PEAR1: variants seen among roughly 807,000 people sequenced by gnomAD.
PEAR1 encodes multiple EGF-like domains protein 12.
A neutral mutation model predicts 131.2 loss-of-function variants in PEAR1; 113 were observed. That is an observed-to-expected ratio of 0.86 (90% confidence interval 0.74 to 1.01). The LOEUF (loss-of-function observed/expected upper bound fraction) is 1.01, where lower values mean the gene tolerates loss of function less well. Among genes scored for constraint, PEAR1 ranks in the 50% least tolerant of loss-of-function variants. The probability of loss-of-function intolerance (pLI) is 0.00; values close to 1 mark genes in which losing one functional copy is unlikely to be tolerated. For missense variants in PEAR1, 1,408 were observed against 1,391.1 expected, an observed-to-expected ratio of 1.01 and a Z score of -0.19; for synonymous variants, 565 against 523.3, an observed-to-expected ratio of 1.08 and a Z score of -1.09.
rs1371264598 is a variant in PEAR1, at chr1:156,904,892, G to A, written c.206+40G>A. 5.0e-6 allele frequency: 8 copies of A among 1,612,816 alleles called. No homozygotes were observed. In the South Asian group the frequency reaches 7.7e-5, roughly 16 times the overall value. ...TCCTCCATGGGTGGATGGGCTACCT[G>A]AGTCGCTGCCTCAGCCTGGCCCCTG... On this transcript the variant is annotated intron_variant, in intron 3 of 22. Transcript: ENST00000292357.
intron 15 of PEAR1, among the ~76,000 whole-genome samples, chr1:156,911,035 C>CTTTTTCTTTCTTTCTTTCTT (rs1558143226): frequency 1.1e-4 from 14 of 123,904 alleles, no homozygotes; most frequent in African/African-American, 4.5e-4. Flanking sequence ...CTCTTGATTT[C>CTTTTTCTTTCTTTCTTTCTT]TTTTTCTTTC....
chr1:156,909,906 C>T lies in PEAR1; in HGVS notation c.1567C>T (p.Pro523Ser). The T allele has an allele frequency of 6.2e-7, 1 of 1,608,896 alleles. No individual in the cohort carries two copies. The highest frequency in any genetic ancestry group is 1.1e-5 in the South Asian group (1 of 90,634). Reference sequence around the variant, plus strand: ...GTGGCATGGGGCCCACTGCCAGCTGCCCTGTCCGGTGAGTGCTGGACAGCC... The same window carrying T: ...GTGGCATGGGGCCCACTGCCAGCTGTCCTGTCCGGTGAGTGCTGGACAGCC... ...PGWHGAHCQL[P>S]CPKGQFGEGC... The change falls in exon 12 of 23, where the codon CCC becomes TCC. Residue 523 changes from proline (P) to serine (S), a missense_variant. Pro to Ser is a moderately conservative substitution (Grantham distance 74). Transcript: ENST00000292357.
rs564878450 is a variant in PEAR1, at chr1:156,905,990, G to T, written c.308-286G>T. ...CCCGACCGCCACCTGCCCTCTCTCT[G>T]GACAGTGTCCATGTTCAGTCCCCTT... On this transcript the variant is annotated intron_variant, in intron 4 of 22. Coordinates refer to ENST00000292357, the MANE Select transcript of PEAR1 (RefSeq NM_001080471.3). Among the ~76,000 whole-genome samples, 4 of 152,198 alleles carry T rather than the reference G, an allele frequency of 2.6e-5. No individual in the cohort carries two copies. The South Asian group carries it at 8.3e-4, about 32-fold the overall frequency.
chr1:156,910,493 G>C (rs1051655920), intron 14 of PEAR1, 113 bp downstream of exon 14: 2 of 1,542,306 alleles, frequency 1.3e-6, no homozygotes, highest in South Asian at 1.2e-5. Flanking sequence ...CCTTACCCCC[G>C]GTCTCTTCCT....
intron 11 of PEAR1, 24 bp from the exon 12 acceptor site, chr1:156,909,727 C>G: frequency 1.3e-6 from 2 of 1,576,948 alleles, no homozygotes; most frequent in Non-Finnish European, 1.7e-6. Context: ...GTCCCCATAC[C>G]TACCTACCAG....
intron 15 of PEAR1, among the ~76,000 whole-genome samples, chr1:156,911,748 A>G (rs1221381547): frequency 1.3e-5 from 2 of 152,230 alleles, no homozygotes; most frequent in African/African-American, 4.8e-5. Context: ...TGGAAAGAGG[A>G]AACAGGCTGT....
intron 4 of PEAR1, among the ~76,000 whole-genome samples, 160 bp from the exon 5 acceptor site, chr1:156,906,116 C>G (rs1050807587): frequency 6.6e-6 from 1 of 152,188 alleles, no homozygotes; most frequent in Admixed American, 6.5e-5. Context: ...TAAGTTCTCC[C>G]CCTGAGTTGC....
chr1:156,913,936 G>A lies in PEAR1; in HGVS notation c.2798G>A (p.Ser933Asn). ...TATGCCACCATCCGGGACCTGCCCAGCTTGCCAGGGGGCCCCCGGGAGAGC... is the reference window on the plus strand; with the variant it reads ...TATGCCACCATCCGGGACCTGCCCAACTTGCCAGGGGGCCCCCGGGAGAGC... ...NPYATIRDLP[S>N]LPGGPRESSY... is the part of the protein sequence containing the mutation. The change falls in exon 22 of 23, where the codon AGC becomes AAC. Residue 933 changes from serine (S) to asparagine (N), a missense_variant. Ser to Asn is a conservative substitution (Grantham distance 46, BLOSUM62 1). Transcript: ENST00000292357. 2 of 1,614,104 alleles carry A rather than the reference G, an allele frequency of 1.2e-6. No individual in the cohort carries two copies. Among genetic ancestry groups the A allele is most frequent in the Non-Finnish European group, 1.7e-6 (2 of 1,180,020 alleles).
chr1:156,913,806 G>T, intron 21 of PEAR1, 46 bp downstream of exon 21: 1 of 1,611,688 alleles, frequency 6.2e-7, no homozygotes, highest in East Asian at 2.2e-5. Flanking sequence ...CTGGGGCTGA[G>T]GAACCAGTGC....
intron 1 of PEAR1, among the ~76,000 whole-genome samples, chr1:156,896,540 G>A (rs1187953629): frequency 3.3e-5 from 5 of 152,242 alleles, no homozygotes; most frequent in East Asian, 3.8e-4. Context: ...GAGGGGTTGC[G>A]ATTGATGTGT....
At chr1:156,912,172 G>T in intron 15 of PEAR1, 75 bp from the exon 16 acceptor site, 2 of 1,531,556 alleles carry the variant, frequency 1.3e-6, no homozygotes, top group Non-Finnish European at 1.8e-6. Context: ...AAAGGCTTCA[G>T]TGATGCTGGG....
chr1:156,897,406 G>C (rs1369791557), intron 1 of PEAR1, among the ~76,000 whole-genome samples: 1 of 152,230 alleles, frequency 6.6e-6, no homozygotes, highest in Non-Finnish European at 1.5e-5. Flanking sequence ...TCACAGATAG[G>C]GTATCCATCA....
intron 1 of PEAR1, among the ~76,000 whole-genome samples, chr1:156,898,937 C>T (rs962062101): frequency 1.1e-4 from 16 of 152,184 alleles, no homozygotes; most frequent in African/African-American, 3.9e-4. Flanking sequence ...AGGCAGATAG[C>T]AGAGTTTCTG....
rs11800463 is a variant in PEAR1, at chr1:156,908,643, C to T, written c.1116-12C>T. On this transcript the variant is annotated splice_polypyrimidine_tract_variant and intron_variant, in intron 9 of 22. Transcript: ENST00000292357. This position sits in a 1 kb window ranked among gnomAD's most constrained non-coding sequence, Gnocchi z 4.2. ...AGCTCAGACCGCGCCACGCCCCCGC[C>T]TCTGCCCCCAGCTGCCACCCGATGA... 0.14 allele frequency: 217,691 copies of T among 1,516,050 alleles called. 17,671 individuals carry two copies. Among genetic ancestry groups the T allele is most frequent in the East Asian group, 0.35 (14,368 of 40,624 alleles). 93.9% of individuals were successfully genotyped at this position (1,516,050 alleles called of 1,614,324 possible).
chr1:156,907,782 G>A, intron 7 of PEAR1, 52 bp downstream of exon 7: 1 of 1,578,154 alleles, frequency 6.3e-7, no homozygotes, highest in Middle Eastern at 1.7e-4. Flanking sequence ...GGAGAATTCT[G>A]TGGGTGGTGC....
rs570283118 is a variant in PEAR1, at chr1:156,903,839, C to G, written c.-9-79C>G. 1.3e-5 allele frequency: 16 copies of G among 1,201,468 alleles called. No individual in the cohort carries two copies. In the South Asian group the frequency reaches 1.5e-4, roughly 11 times the overall value. 74.4% of individuals were successfully genotyped at this position (1,201,468 alleles called of 1,614,324 possible). A position where few individuals can be genotyped will look rare whatever the true frequency, so the allele number is the denominator to read the frequency against. ...CAGTCTGGTCTCTTCTGCATGCCCA[C>G]GGCTCAGATCTCTGCAGACAGGTCC... On this transcript the variant is annotated intron_variant, in intron 1 of 22. Coordinates refer to ENST00000292357, the MANE Select transcript of PEAR1 (RefSeq NM_001080471.3).
intron 4 of PEAR1, 83 bp from the exon 5 acceptor site, chr1:156,906,193 G>A (rs2644593): frequency 1 from 1,287,677 of 1,293,302 alleles, 641,242 homozygotes; most frequent in East Asian, 1. Context: ...TGGTTTTGGA[G>A]GAAGGTGGGG....
Position 156,908,552 on chromosome 1 carries a change from T to C in PEAR1, c.1116-103T>C. ...CGCGGAGCCTCCCTAGTGACCCCCTTACCCCAGCGATGTGCGAATCCCACT... is the reference window on the plus strand; with the variant it reads ...CGCGGAGCCTCCCTAGTGACCCCCTCACCCCAGCGATGTGCGAATCCCACT... On this transcript the variant is annotated intron_variant, in intron 9 of 22. Coordinates refer to ENST00000292357, the MANE Select transcript of PEAR1 (RefSeq NM_001080471.3). This position sits in a 1 kb window ranked among gnomAD's most constrained non-coding sequence, Gnocchi z 4.2. 1 of 1,271,870 alleles carries C rather than the reference T, an allele frequency of 7.9e-7. No individual in the cohort carries two copies. Among genetic ancestry groups the C allele is most frequent in the South Asian group, 1.5e-5 (1 of 65,402 alleles). The allele number at this position is 1,271,870 out of a possible 1,614,324, so 78.8% of individuals were successfully genotyped here. A position where few individuals can be genotyped will look rare whatever the true frequency, so the allele number is the denominator to read the frequency against.
In PEAR1 at chr1:156,907,643, C is replaced by T. The variant is rs931298985; in HGVS notation, c.678C>T (p.Gly226=). The change falls in exon 7 of 23, where the codon GGC becomes GGT. Residue 226 remains glycine, a synonymous_variant. Transcript: ENST00000292357. ...CDVSCSQGTS[G]FFCPSTHSCQ... ...TGTCCTGTTCCCAGGGCACTTCTGGCTTCTTCTGCCCCAGCACCCATTCTT... is the reference window on the plus strand; with the variant it reads ...TGTCCTGTTCCCAGGGCACTTCTGGTTTCTTCTGCCCCAGCACCCATTCTT... 6 of 1,613,822 alleles carry T rather than the reference C, an allele frequency of 3.7e-6. No homozygotes were observed. Among genetic ancestry groups the T allele is most frequent in the African/African-American group, 1.3e-5 (1 of 74,926 alleles).
Sources: gnomAD v4.1 joint callset for allele counts (sites outside exome capture counted in the v4.1 genomes callset) on GRCh38, gnomAD v4.1.1 for gene constraint, Gnocchi (gnomAD v3.1) non-coding constraint, MANE v1.5 for transcripts, NCBI Gene and HGNC (gene_info 2026-07-23, HGNC 2026-07-21) for gene names.